The following PCDH15 variants were observed in gnomAD, a reference collection of about 807,000 sequenced individuals.
PCDH15 encodes protocadherin-15.
Under a neutral mutation model 178.5 loss-of-function variants are expected in PCDH15, and 129 were observed. The ratio of observed to expected loss-of-function variants is 0.72; its 90% CI spans 0.63 to 0.84. PCDH15 has a LOEUF of 0.84. Ranked by LOEUF, PCDH15 falls within the 40% of genes least tolerant of loss-of-function variation. PCDH15 has a pLI of 0.00. For synonymous variants in PCDH15, 800 were observed against 732.0 expected, an observed-to-expected ratio of 1.09 and a Z score of -1.50; for missense variants, 2,230 against 2,099.9, an observed-to-expected ratio of 1.06 and a Z score of -1.21.
chr10:55,487,955 T>G (rs1840331810), intron 2 of PCDH15, among the ~76,000 whole-genome samples: 1 of 151,538 alleles, frequency 6.6e-6, no homozygotes, highest in East Asian at 1.9e-4. Flanking sequence ...GATATTTAAT[T>G]TTAGAGAGAG....
chr10:55,467,986 A>AAAAAAAAAAAAAAAAAAAAAAAAAAT, intron 2 of PCDH15, among the ~76,000 whole-genome samples: 1 of 148,546 alleles, frequency 6.7e-6, no homozygotes, highest in Non-Finnish European at 1.5e-5. Flanking sequence ...AAAAAAAAAA[A>AAAAAAAAAAAAAAAAAAAAAAAAAAT]AAAAAGAATT....
chr10:54,233,221 T>G (rs7080381), intron 9 of PCDH15, among the ~76,000 whole-genome samples: 8,299 of 152,214 alleles, frequency 0.055, 559 homozygotes, highest in African/African-American at 0.17. Flanking sequence ...TGGAATTACA[T>G]GTGTGAGTCA....
chr10:54,601,365 G>A (rs2092520855), intron 2 of PCDH15, among the ~76,000 whole-genome samples: 1 of 151,734 alleles, frequency 6.6e-6, no homozygotes, highest in Admixed American at 6.6e-5. Context: ...TAAAAAGGGT[G>A]AAAAGTATAT....
intron 5 of PCDH15, among the ~76,000 whole-genome samples, chr10:54,349,823 A>C (rs1943895735): frequency 6.6e-6 from 1 of 152,206 alleles, no homozygotes; most frequent in Non-Finnish European, 1.5e-5. Flanking sequence ...TATGGTTTCA[A>C]TTTTAAGCTT....
intron 2 of PCDH15, among the ~76,000 whole-genome samples, chr10:54,538,762 C>T (rs2084866841): frequency 6.6e-6 from 1 of 152,162 alleles, no homozygotes; most frequent in Admixed American, 6.5e-5. Flanking sequence ...CTTCCTCCTA[C>T]TTTGGCCATG....
intron 3 of PCDH15, among the ~76,000 whole-genome samples, chr10:54,856,774 A>G (rs1302075815): frequency 6.6e-6 from 1 of 152,150 alleles, no homozygotes; most frequent in Non-Finnish European, 1.5e-5. Context: ...TCTTACAAAT[A>G]CTGTAGTCTA....
intron 3 of PCDH15, among the ~76,000 whole-genome samples, chr10:54,384,759 T>G (rs1036483133): frequency 6.6e-6 from 1 of 152,150 alleles, no homozygotes; most frequent in Non-Finnish European, 1.5e-5. Flanking sequence ...CCTACGGTTA[T>G]AGCAGGAATG....
chr10:53,809,528 T>A, intron 37 of PCDH15: 1 of 1,608,378 alleles, frequency 6.2e-7, no homozygotes, highest in Non-Finnish European at 8.5e-7. Context: ...TTTGGTTTTT[T>A]AATTTTCTTT....
In PCDH15 at chr10:54,940,258, A is replaced by G. The variant is rs150331491; in HGVS notation, c.-79-42758T>C. Among the ~76,000 whole-genome samples the G allele has an allele frequency of 7.8e-3, 1,194 of 152,258 alleles. 10 individuals carry two copies. Among genetic ancestry groups the G allele is most frequent in the African/African-American group, 0.027 (1,140 of 41,560 alleles). ...TGTTTCCATTTTATCTCAAAATATG[A>G]TTGAATTTCCCTTGTAAATTCTCTT... On this transcript the variant is annotated intron_variant, in intron 2 of 5. Coordinates refer to the PCDH15 transcript ENST00000458638.
At chr10:54,332,320 A>C (rs1411905183) in intron 6 of PCDH15, among the ~76,000 whole-genome samples, 5 of 129,862 alleles carry the variant, frequency 3.9e-5, no homozygotes, top group East Asian at 2.0e-4. Flanking sequence ...ATAATATAAT[A>C]TAATCTATAT....
intron 1 of PCDH15, among the ~76,000 whole-genome samples, chr10:55,173,813 T>G (rs1365744449): frequency 6.6e-6 from 1 of 152,152 alleles, no homozygotes; most frequent in African/African-American, 2.4e-5. Flanking sequence ...AAACTGAAAC[T>G]TTACTCCTTA....
At chr10:53,913,328 C>A (rs1229079364) in intron 25 of PCDH15, among the ~76,000 whole-genome samples, 2 of 152,000 alleles carry the variant, frequency 1.3e-5, no homozygotes, top group Non-Finnish European at 2.9e-5. Flanking sequence ...GATCTAAAAC[C>A]ATAAAAACCT....
intron 8 of PCDH15, among the ~76,000 whole-genome samples, chr10:54,293,889 C>A (rs561284214): frequency 3.9e-5 from 6 of 152,274 alleles, no homozygotes; most frequent in African/African-American, 1.2e-4. Context: ...ATTATTTCAA[C>A]CAGTGTGGAA....
chr10:54,414,956 G>GA (rs1249762374), intron 3 of PCDH15, among the ~76,000 whole-genome samples: 1 of 151,614 alleles, frequency 6.6e-6, no homozygotes, highest in East Asian at 1.9e-4. Flanking sequence ...GAACGTATTA[G>GA]AAAAAAAATT....
At chr10:55,171,323 T>A (rs1839326481) in intron 1 of PCDH15, among the ~76,000 whole-genome samples, 1 of 152,242 alleles carries the variant, frequency 6.6e-6, no homozygotes, top group Admixed American at 6.5e-5. Flanking sequence ...GCCTAAATGA[T>A]GCATTCATAC....
At position 53,906,719 on chromosome 10, in the gene PCDH15, G is replaced by A. The variant is rs547007196; in HGVS notation, c.3374-3349C>T. ...ATCAGGAAGTTGTAGAGCCTTTAAA[G>A]CAGCAGATGTTTGATTTTCTTGCAG... On this transcript the variant is annotated intron_variant, in intron 25 of 37. Transcript: ENST00000644397. 2.5e-3 allele frequency among the ~76,000 whole-genome samples: 380 copies of A among 152,120 alleles called. 2 individuals carry two copies. The highest frequency in any genetic ancestry group is 9.0e-3 in the African/African-American group (374 of 41,526).
At chr10:55,163,497 A>T (rs1839115147) in intron 2 of PCDH15, among the ~76,000 whole-genome samples, 3 of 152,124 alleles carry the variant, frequency 2.0e-5, no homozygotes, top group Non-Finnish European at 2.9e-5. Context: ...GGGAAAAATA[A>T]GGCTAAGACC....
chr10:54,670,811 A>G (rs532792815), intron 1 of PCDH15, among the ~76,000 whole-genome samples: 16 of 152,260 alleles, frequency 1.1e-4, no homozygotes, highest in African/African-American at 3.8e-4. Flanking sequence ...AGCTTCTACT[A>G]TAGAAATAAA....
chr10:55,198,335 G>A (rs1727359942), intron 1 of PCDH15, among the ~76,000 whole-genome samples: 1 of 152,054 alleles, frequency 6.6e-6, no homozygotes, highest in South Asian at 2.1e-4. Flanking sequence ...GGCCTGATAG[G>A]TGGTGACTGA....
Sources: allele counts gnomAD v4.1 joint callset (sites outside exome capture counted in the v4.1 genomes callset), GRCh38; gene constraint gnomAD v4.1.1; transcripts MANE v1.5; gene names NCBI Gene and HGNC (gene_info 2026-07-23, HGNC 2026-07-21).